SDF4: variants seen among roughly 807,000 people sequenced by gnomAD.
SDF4 encodes stromal cell derived factor 4, also known as 45 kDa calcium-binding protein.
A neutral mutation model predicts 34.2 loss-of-function variants in SDF4; 22 were observed. The observed-to-expected ratio is 0.64, with a 90% confidence interval of 0.46 to 0.92. The LOEUF (loss-of-function observed/expected upper bound fraction) is 0.92. Among genes scored for constraint, SDF4 ranks in the 40% least tolerant of loss-of-function variants. The pLI is 0.00. For missense variants in SDF4, 447 were observed against 499.9 expected (o/e 0.89, Z 1.01); for synonymous variants, 236 against 203.1 (o/e 1.16, Z -1.38).
At chr1:1,231,103 G>A (rs991449041) in intron 1 of SDF4, among the ~76,000 whole-genome samples, 3 of 152,190 alleles carry the variant, frequency 2.0e-5, no homozygotes, top group Admixed American at 6.5e-5. Flanking sequence ...GAAAAAGGGG[G>A]AATAAAAAGT....
At position 1,228,825 on chromosome 1, in the gene SDF4, G is replaced by A. The variant is rs1238668107; in HGVS notation, c.-53C>T. 4.0e-6 allele frequency: 6 copies of A among 1,504,216 alleles called. No individual in the cohort carries two copies. The highest frequency in any genetic ancestry group is 3.9e-5 in the Admixed American group (2 of 51,602). 93.2% of individuals were successfully genotyped at this position (1,504,216 alleles called of 1,614,324 possible). On this transcript the variant is annotated 5_prime_UTR_variant, in exon 2 of 7. Coordinates refer to ENST00000360001, the MANE Select transcript of SDF4 (RefSeq NM_016176.6). ...GGCTGCAGGGTGTGGGCCAGGTGCTGGGAGGGGCAGGGGCAGGGGCAGAGG... is the reference window on the plus strand; with the variant it reads ...GGCTGCAGGGTGTGGGCCAGGTGCTAGGAGGGGCAGGGGCAGGGGCAGAGG...
chr1:1,225,059 G>A (rs775680014), intron 2 of SDF4, among the ~76,000 whole-genome samples: 4 of 152,230 alleles, frequency 2.6e-5, no homozygotes, highest in East Asian at 1.9e-4. Context: ...CGGGGCCAGC[G>A]CAGGCCAGGT....
chr1:1,231,452 AGC>A (rs1427711312), intron 1 of SDF4, among the ~76,000 whole-genome samples: 1 of 152,266 alleles, frequency 6.6e-6, no homozygotes, highest in African/African-American at 2.4e-5. Flanking sequence ...ACCGCCTCTG[AGC>A]CAGACATCAA....
rs759469794 is a variant in SDF4 at position 1,217,260 on chromosome 1, G to A, written c.*252C>T. The A allele has an allele frequency of 4.2e-5, 8 of 188,874 alleles. No homozygotes were observed. The highest frequency in any genetic ancestry group is 1.9e-4 in the South Asian group (1 of 5,130). 11.7% of individuals were successfully genotyped at this position (188,874 alleles called of 1,614,324 possible). A position where few individuals can be genotyped will look rare whatever the true frequency, so the allele number is the denominator to read the frequency against. On this transcript the variant is annotated 3_prime_UTR_variant, in exon 7 of 7. Transcript: ENST00000360001. The surrounding 1 kb of genome is among the most constrained non-coding windows in gnomAD (Gnocchi z 8.5). ...CTCAGAAGTGAGATGCCACGATTTC[G>A]AGGGACCAGGGAGGAGGCGGCGCCG...
At chr1:1,225,330 C>T (rs1488985133) in intron 2 of SDF4, among the ~76,000 whole-genome samples, 1 of 152,208 alleles carries the variant, frequency 6.6e-6, no homozygotes, top group Non-Finnish European at 1.5e-5. Context: ...TGCCTCTATG[C>T]TCCGCTCAGG....
chr1:1,224,905 C>G (rs1570485103), intron 2 of SDF4, among the ~76,000 whole-genome samples: 1 of 152,172 alleles, frequency 6.6e-6, no homozygotes, highest in African/African-American at 2.4e-5. Context: ...ATACCGAGAC[C>G]CTGACTCAAA....
chr1:1,218,497 G>A lies in SDF4; in HGVS notation c.852C>T (p.Asp284=). 6.2e-7 allele frequency: 1 copy of A among 1,613,678 alleles called. No homozygotes were observed. Among genetic ancestry groups the A allele is most frequent in the African/African-American group, 1.3e-5 (1 of 75,054 alleles). Residue 284 remains aspartate (D), a synonymous_variant, in exon 6 of 7, where the codon GAC becomes GAT. Transcript: ENST00000360001. This position sits in a 1 kb window ranked among gnomAD's most constrained non-coding sequence, Gnocchi z 7.9. ...CGGTCACGATGCCGTCGTGGTTGGA[G>A]TCAATGAGCTCCTCAAACTCCTTTT... The part of the protein sequence containing the change: ...DRKKEFEELI[D]SNHDGIVTAE...
At chr1:1,228,992 T>C (rs189966339) in intron 1 of SDF4, 46 bp from the exon 2 acceptor site, 34 of 584,262 alleles carry the variant, frequency 5.8e-5, no homozygotes, top group Non-Finnish European at 9.4e-5. Flanking sequence ...CAGCAAAGAC[T>C]TCCCCAAGCA....
rs1006927078 is a variant in SDF4, at chr1:1,217,380, G to A, written c.*132C>T. ...AGGGGACACGCCGCTCATCAACTGG[G>A]GCAGCCGCGGTCGGTCGGCCGGTGG... On this transcript the variant is annotated 3_prime_UTR_variant, in exon 7 of 7. Transcript: ENST00000360001. The surrounding 1 kb of genome is among the most constrained non-coding windows in gnomAD (Gnocchi z 8.5). 4.1e-6 allele frequency: 3 copies of A among 735,012 alleles called. No homozygotes were observed. The highest frequency in any genetic ancestry group is 5.5e-6 in the Non-Finnish European group (3 of 540,650). 45.5% of individuals were successfully genotyped at this position (735,012 alleles called of 1,614,324 possible).
At chr1:1,223,997 G>T (rs756119476) in intron 2 of SDF4, 29 bp from the exon 3 acceptor site, 1 of 1,605,766 alleles carries the variant, frequency 6.2e-7, no homozygotes, top group South Asian at 1.1e-5. Context: ...GCAGGTGGCC[G>T]TCAGACTGGG....
At chr1:1,219,520 T>A in intron 4 of SDF4, 1 of 992,404 alleles carries the variant, frequency 1.0e-6, no homozygotes, top group Non-Finnish European at 1.2e-6. Context: ...CCTTCACGTG[T>A]GACGTCACAG....
At position 1,217,581 on chromosome 1, in the gene SDF4, G is replaced by A; in HGVS notation, c.999C>T (p.Leu333=). The change falls in exon 7 of 7, where the codon CTC becomes CTT. Residue 333 remains leucine (L), a synonymous_variant. Transcript: ENST00000360001. The surrounding 1 kb of genome is among the most constrained non-coding windows in gnomAD (Gnocchi z 8.5). The stretch of plus-strand genomic sequence containing the variant: ...TGCCCGTGAAGAACTCGCTGTACTT[G>A]AGCACCTCCTCGGGCTCCAGGTGGT... The part of the protein sequence containing the change: ...QNHHLEPEEV[L]KYSEFFTGSK... 6.2e-7 allele frequency: 1 copy of A among 1,613,626 alleles called. No individual in the cohort carries two copies. The highest frequency in any genetic ancestry group is 8.5e-7 in the Non-Finnish European group (1 of 1,179,920).
chr1:1,220,308 A>C (rs1649856121), intron 4 of SDF4: 1 of 1,094,288 alleles, frequency 9.1e-7, no homozygotes, highest in Non-Finnish European at 1.1e-6. Context: ...GCAGCGATGG[A>C]GGCGGGGGAA....
chr1:1,231,616 G>C (rs1326982415), intron 1 of SDF4, among the ~76,000 whole-genome samples: 1 of 152,246 alleles, frequency 6.6e-6, no homozygotes, highest in African/African-American at 2.4e-5. Flanking sequence ...AGACCCCTTG[G>C]GCCTCCGTTT....
intron 2 of SDF4, among the ~76,000 whole-genome samples, 166 bp from the exon 3 acceptor site, chr1:1,224,134 G>C (rs1322345119): frequency 4.6e-5 from 7 of 152,078 alleles, no homozygotes; most frequent in Non-Finnish European, 4.4e-5. Context: ...GGGGCTTGTG[G>C]GGTGCCGGGC....
Position 1,218,655 on chromosome 1 carries a change from G to C in SDF4, c.716-22C>G. On this transcript the variant is annotated intron_variant, in intron 5 of 6. Transcript: ENST00000360001. The surrounding 1 kb of genome is among the most constrained non-coding windows in gnomAD (Gnocchi z 7.9). ...TGGTCTGCGAGACGGGAATGGGTCA[G>C]CCCACACCCAGGCTGGGGCTCCCGC... The C allele has an allele frequency of 1.2e-6, 2 of 1,613,282 alleles. No homozygotes were observed. The highest frequency in any genetic ancestry group is 1.7e-6 in the Non-Finnish European group (2 of 1,179,672).
rs367645243 is a variant in SDF4 at position 1,218,761 on chromosome 1, A to C, written c.715+8T>G. ...CTGGCGTGCCGGCCAGGCTGGACCC[A>C]GCCTCACCCAGGTCCCGGACGATCT... On this transcript the variant is annotated splice_region_variant and intron_variant, in intron 5 of 6. Transcript: ENST00000360001. This position sits in a 1 kb window ranked among gnomAD's most constrained non-coding sequence, Gnocchi z 7.9. 403 of 1,612,334 alleles carry C rather than the reference A, an allele frequency of 2.5e-4. 1 individual carries two copies. The highest frequency in any genetic ancestry group is 3.3e-4 in the Non-Finnish European group (388 of 1,179,206).
Position 1,217,566 on chromosome 1 carries a change from G to A in SDF4, c.1014C>T (p.Phe338=). 2 of 1,613,472 alleles carry A rather than the reference G, an allele frequency of 1.2e-6. No individual in the cohort carries two copies. Among genetic ancestry groups the A allele is most frequent in the Non-Finnish European group, 8.5e-7 (1 of 1,179,878 alleles). ...AGTCCACCAGCTTGCTGCCCGTGAA[G>A]AACTCGCTGTACTTGAGCACCTCCT... ...EPEEVLKYSE[F]FTGSKLVDYA... is the part of the protein sequence containing the mutation. The change falls in exon 7 of 7, where the codon TTC becomes TTT. Residue 338 remains phenylalanine (F), a synonymous_variant. Transcript: ENST00000360001. The surrounding 1 kb of genome is among the most constrained non-coding windows in gnomAD (Gnocchi z 8.5).
intron 4 of SDF4, chr1:1,219,205 C>CA (rs1649746827): frequency 8.0e-7 from 1 of 1,257,234 alleles, no homozygotes; most frequent in Admixed American, 3.4e-5. Context: ...CAGCCTGGAC[C>CA]CCCCCCTGCC....
Sources: allele counts gnomAD v4.1 joint callset (sites outside exome capture counted in the v4.1 genomes callset), GRCh38; gene constraint gnomAD v4.1.1; non-coding constraint Gnocchi (gnomAD v3.1); transcripts MANE v1.5; gene names NCBI Gene and HGNC (gene_info 2026-07-23, HGNC 2026-07-21).